The following ADAT3 variants were observed in gnomAD, a reference collection of about 807,000 sequenced individuals.
The protein encoded by ADAT3 is adenosine deaminase tRNA specific 3, also known as tRNA-specific adenosine-34 deaminase regulatory subunit ADAT3.
A neutral mutation model predicts 3.5 loss-of-function variants in ADAT3; 2 were observed. The observed-to-expected ratio is 0.57, with a 90% CI of 0.23 to 1.79. The LOEUF is 1.79. Ranked by LOEUF, ADAT3 falls within the 40% of genes most tolerant of loss-of-function variation. The probability of loss-of-function intolerance (pLI) is 0.18; values close to 1 mark genes in which losing one functional copy is unlikely to be tolerated. For missense variants in ADAT3, 735 were observed against 571.4 expected (o/e 1.29, Z -2.92); for synonymous variants, 358 against 270.3 (o/e 1.32, Z -3.18).
rs749495408 is a variant in ADAT3, at chr19:1,913,148, G to A, written c.1101G>A (p.Thr367=). ...AGTGCCGCTGGCTGGACCCCGACAC[G>A]TAGGCGCCGCCCTCCTGCCTCCGGA... ...EEQCRWLDPD[T] Residue 367 remains threonine, a synonymous_variant, in exon 2 of 2, where the codon ACG becomes ACA. Coordinates refer to ENST00000329478, the MANE Select transcript of ADAT3 (RefSeq NM_138422.4). 24 of 1,543,902 alleles carry A rather than the reference G, an allele frequency of 1.6e-5. No individual in the cohort carries two copies. The highest frequency in any genetic ancestry group is 2.1e-5 in the Non-Finnish European group (24 of 1,148,062).
intron 1 of ADAT3, among the ~76,000 whole-genome samples, chr19:1,909,387 C>T (rs8102298): frequency 0.26 from 39,170 of 152,090 alleles, 5,987 homozygotes; most frequent in African/African-American, 0.39. Flanking sequence ...GGGCGGATCC[C>T]GAGAGCTGGG....
Position 1,913,393 on chromosome 19 carries a change from C to T in ADAT3, c.*242C>T, listed in dbSNP as rs757224201. ...CGCCCTTGCTGCGTTTGTGTCCCCTCTGTCTCGCGGGCCGGGAAACTGCTC... is the reference window on the plus strand; with the variant it reads ...CGCCCTTGCTGCGTTTGTGTCCCCTTTGTCTCGCGGGCCGGGAAACTGCTC... On this transcript the variant is annotated 3_prime_UTR_variant, in exon 2 of 2. Coordinates refer to ENST00000329478, the MANE Select transcript of ADAT3 (RefSeq NM_138422.4). The T allele has an allele frequency of 2.9e-5, 18 of 615,210 alleles. No homozygotes were observed. The highest frequency in any genetic ancestry group is 4.9e-5 in the Non-Finnish European group (17 of 350,390). 38.1% of individuals were successfully genotyped at this position (615,210 alleles called of 1,614,324 possible). A position where few individuals can be genotyped will look rare whatever the true frequency, so the allele number is the denominator to read the frequency against.
In ADAT3 at chr19:1,912,841, G is replaced by C. The variant is rs1312042745; in HGVS notation, c.794G>C (p.Cys265Ser). The change falls in exon 2 of 2, where the codon TGC becomes TCC. Residue 265 changes from cysteine to serine, a missense_variant. Coordinates refer to ENST00000329478, the MANE Select transcript of ADAT3 (RefSeq NM_138422.4). The part of the protein sequence containing the change: ...GTYDFRPFPA[C>S]SFAPAAAPQA... ...TACGACTTCAGACCCTTCCCCGCCT[G>C]CTCCTTCGCCCCGGCCGCTGCCCCC... The C allele has an allele frequency of 3.8e-6, 6 of 1,594,548 alleles. No homozygotes were observed. The highest frequency in any genetic ancestry group is 1.7e-5 in the Admixed American group (1 of 59,290).
chr19:1,912,630 C>T lies in ADAT3; in HGVS notation c.583C>T (p.Arg195Trp), dbSNP rs1317880592. ...ERAAMQSHME[R>W]AVWAARRAAA... ...CGCCGCCATGCAGAGCCACATGGAG[C>T]GGGCGGTGTGGGCGGCCCGGCGGGC... Residue 195 changes from arginine (R) to tryptophan (W), a missense_variant, in exon 2 of 2, where the codon CGG becomes TGG. Arg to Trp is a moderately radical substitution (Grantham distance 101). Transcript: ENST00000329478. 10 of 1,444,688 alleles carry T rather than the reference C, an allele frequency of 6.9e-6. No homozygotes were observed. The highest frequency in any genetic ancestry group is 4.1e-5 in the South Asian group (3 of 73,194). The allele number at this position is 1,444,688 out of a possible 1,614,324, so 89.5% of individuals were successfully genotyped here.
chr19:1,905,633 TGC>T (rs201231677), intron 1 of ADAT3, 194 bp downstream of exon 1: 652 of 159,020 alleles, frequency 4.1e-3, no homozygotes, highest in Non-Finnish European at 4.9e-3. Context: ...CGAATGCGCG[TGC>T]GCGCGCGCGC....
At chr19:1,910,724 G>A (rs1254178395) in intron 1 of ADAT3, among the ~76,000 whole-genome samples, 1 of 150,304 alleles carries the variant, frequency 6.7e-6, no homozygotes, top group Non-Finnish European at 1.5e-5. Context: ...TTACAGGTGC[G>A]TGGCACCATG....
Position 1,912,439 on chromosome 19 carries a change from T to C in ADAT3, c.392T>C (p.Val131Ala). ...SLAELLPRPA[V>A]DPRGLGQPFL... ...GCTGAGCTCCTGCCACGGCCGGCTG[T>C]GGACCCCCGCGGCCTGGGGCAACCC... The change falls in exon 2 of 2, where the codon GTG (valine) becomes GCG (alanine). Residue 131 changes from valine to alanine, a missense_variant. Coordinates refer to ENST00000329478, the MANE Select transcript of ADAT3 (RefSeq NM_138422.4). The C allele has an allele frequency of 1.3e-6, 2 of 1,509,828 alleles. No homozygotes were observed. Among genetic ancestry groups the C allele is most frequent in the Non-Finnish European group, 8.8e-7 (1 of 1,136,272 alleles). 93.5% of individuals were successfully genotyped at this position (1,509,828 alleles called of 1,614,324 possible). A position where few individuals can be genotyped will look rare whatever the true frequency, so the allele number is the denominator to read the frequency against.
intron 1 of ADAT3, chr19:1,906,534 G>C (rs1397905779): frequency 6.6e-6 from 1 of 152,130 alleles, no homozygotes; most frequent in East Asian, 1.9e-4. Context: ...GCGAGACCCT[G>C]TCTCTAAATA....
At position 1,912,845 on chromosome 19, in the gene ADAT3, C is replaced by A. The variant is rs765111016; in HGVS notation, c.798C>A (p.Ser266=). 9.4e-6 allele frequency: 15 copies of A among 1,595,564 alleles called. No homozygotes were observed. The highest frequency in any genetic ancestry group is 2.7e-5 in the African/African-American group (2 of 74,630). The change falls in exon 2 of 2, where the codon TCC becomes TCA. Residue 266 remains serine, a synonymous_variant. Transcript: ENST00000329478. ...TYDFRPFPAC[S]FAPAAAPQAV... ...ACTTCAGACCCTTCCCCGCCTGCTC[C>A]TTCGCCCCGGCCGCTGCCCCCCAGG...
In ADAT3 at chr19:1,908,433, G is replaced by C. The variant is rs1425408017; in HGVS notation, c.-159+2994G>C. The C allele has an allele frequency of 2.1e-6, 1 of 466,984 alleles. No individual in the cohort carries two copies. Among genetic ancestry groups the C allele is most frequent in the Admixed American group, 2.4e-5 (1 of 42,376 alleles). 28.9% of individuals were successfully genotyped at this position (466,984 alleles called of 1,614,324 possible). On this transcript the variant is annotated intron_variant, in intron 1 of 1. Transcript: ENST00000329478. This position sits in a 1 kb window ranked among gnomAD's most constrained non-coding sequence, Gnocchi z 4.2. ...TGGACCAGGCAGTGCATGTCGAGGA[G>C]TAGCACCCACAGCTGCGCGGCTGCG...
chr19:1,912,629 G>T lies in ADAT3; in HGVS notation c.582G>T (p.Glu194Asp), dbSNP rs1401456236. The change falls in exon 2 of 2, where the codon GAG (glutamate) becomes GAT (aspartate). Residue 194 changes from glutamate (E) to aspartate (D), a missense_variant. By Grantham distance (45) the Glu-to-Asp change is conservative. Transcript: ENST00000329478. The part of the protein sequence containing the change: ...QERAAMQSHM[E>D]RAVWAARRAA... ...GCGCCGCCATGCAGAGCCACATGGA[G>T]CGGGCGGTGTGGGCGGCCCGGCGGG... 5.5e-6 allele frequency: 8 copies of T among 1,450,322 alleles called. No individual in the cohort carries two copies. Among genetic ancestry groups the T allele is most frequent in the Admixed American group, 5.6e-5 (2 of 35,744 alleles). The allele number at this position is 1,450,322 out of a possible 1,614,324, so 89.8% of individuals were successfully genotyped here.
chr19:1,912,194 C>T lies in ADAT3; in HGVS notation c.147C>T (p.Ser49=), dbSNP rs138302527. Residue 49 remains serine, a synonymous_variant, in exon 2 of 2, where the codon TCC becomes TCT. Coordinates refer to ENST00000329478, the MANE Select transcript of ADAT3 (RefSeq NM_138422.4). Reference sequence around the variant, plus strand: ...CGTGGCAGGCCCTCCCTGTCCTGTCCGAGAAGCAGTCAGGGGACGTGGAGC... The same window carrying T: ...CGTGGCAGGCCCTCCCTGTCCTGTCTGAGAAGCAGTCAGGGGACGTGGAGC... ...PAPWQALPVL[S]EKQSGDVELV... is the part of the protein sequence containing the mutation. 3.6e-5 allele frequency: 57 copies of T among 1,585,876 alleles called. No individual in the cohort carries two copies. Among genetic ancestry groups the T allele is most frequent in the Non-Finnish European group, 4.5e-5 (53 of 1,169,910 alleles).
chr19:1,909,718 A>G (rs9749188), intron 1 of ADAT3, among the ~76,000 whole-genome samples: 40,781 of 151,768 alleles, frequency 0.27, 6,596 homozygotes, highest in African/African-American at 0.43. Flanking sequence ...GAGCCCCGGG[A>G]GTGATCCCAG....
In ADAT3 at chr19:1,911,948, G is replaced by A. The variant is rs2013472970; in HGVS notation, c.-100G>A. 2.9e-6 allele frequency: 4 copies of A among 1,384,944 alleles called. No individual in the cohort carries two copies. The highest frequency in any genetic ancestry group is 3.7e-6 in the Non-Finnish European group (4 of 1,071,078). The allele number at this position is 1,384,944 out of a possible 1,614,324, so 85.8% of individuals were successfully genotyped here. A position where few individuals can be genotyped will look rare whatever the true frequency, so the allele number is the denominator to read the frequency against. Reference sequence around the variant, plus strand: ...TGCGGTGACCTGGGCCGGAGCCCTCGGACTAGCCTCAGCTTTGGTGGCAGC... The same window carrying A: ...TGCGGTGACCTGGGCCGGAGCCCTCAGACTAGCCTCAGCTTTGGTGGCAGC... On this transcript the variant is annotated 5_prime_UTR_variant, in exon 2 of 2. Coordinates refer to ENST00000329478, the MANE Select transcript of ADAT3 (RefSeq NM_138422.4).
Position 1,911,896 on chromosome 19 carries a change from G to A in ADAT3, c.-152G>A. On this transcript the variant is annotated 5_prime_UTR_variant, in exon 2 of 2. Coordinates refer to ENST00000329478, the MANE Select transcript of ADAT3 (RefSeq NM_138422.4). Reference sequence around the variant, plus strand: ...TAAACTCTGTGCACACCAGGGGTTAGCAGGACATGAGGGAGTGTAGCTCTG... The same window carrying A: ...TAAACTCTGTGCACACCAGGGGTTAACAGGACATGAGGGAGTGTAGCTCTG... 1 of 965,942 alleles carries A rather than the reference G, an allele frequency of 1.0e-6. No homozygotes were observed. The highest frequency in any genetic ancestry group is 1.4e-6 in the Non-Finnish European group (1 of 709,610). 59.8% of individuals were successfully genotyped at this position (965,942 alleles called of 1,614,324 possible). A position where few individuals can be genotyped will look rare whatever the true frequency, so the allele number is the denominator to read the frequency against.
chr19:1,911,395 C>T (rs1599237974), intron 1 of ADAT3, among the ~76,000 whole-genome samples: 1 of 151,564 alleles, frequency 6.6e-6, no homozygotes, highest in African/African-American at 2.4e-5. Flanking sequence ...TGGTCTTAAA[C>T]TCCTGGGCTC....
At position 1,912,004 on chromosome 19, in the gene ADAT3, G is replaced by A. The variant is rs1019821615; in HGVS notation, c.-44G>A. 5.7e-6 allele frequency: 8 copies of A among 1,414,910 alleles called. No individual in the cohort carries two copies. Among genetic ancestry groups the A allele is most frequent in the South Asian group, 3.1e-5 (2 of 65,076 alleles). 87.6% of individuals were successfully genotyped at this position (1,414,910 alleles called of 1,614,324 possible). ...CTGCCTTGTGGAGCCACGGCCTCCC[G>A]GGACGGACTCCCCGGCTCTCCCCCA... On this transcript the variant is annotated 5_prime_UTR_variant, in exon 2 of 2. Transcript: ENST00000329478.
In ADAT3 at chr19:1,908,779, G is replaced by A; in HGVS notation, c.-158-3111G>A. On this transcript the variant is annotated intron_variant, in intron 1 of 1. Coordinates refer to ENST00000329478, the MANE Select transcript of ADAT3 (RefSeq NM_138422.4). This position sits in a 1 kb window ranked among gnomAD's most constrained non-coding sequence, Gnocchi z 4.2. Reference sequence around the variant, plus strand: ...CTCCTGAGTAGCTGGGACTACATGTGCACACCACCGTGCCCAACTAATTTA... The same window carrying A: ...CTCCTGAGTAGCTGGGACTACATGTACACACCACCGTGCCCAACTAATTTA... 8.5e-6 allele frequency: 3 copies of A among 351,912 alleles called. No homozygotes were observed. The highest frequency in any genetic ancestry group is 6.6e-5 in the South Asian group (3 of 45,358). The allele number at this position is 351,912 out of a possible 1,614,324, so 21.8% of individuals were successfully genotyped here. A position where few individuals can be genotyped will look rare whatever the true frequency, so the allele number is the denominator to read the frequency against.
intron 1 of ADAT3, among the ~76,000 whole-genome samples, chr19:1,909,902 T>C (rs911450260): frequency 6.6e-6 from 1 of 152,230 alleles, no homozygotes; most frequent in Admixed American, 6.5e-5. Flanking sequence ...GGGCTTACGT[T>C]TCGTGGCTTG....
Sources: gnomAD v4.1 joint callset for allele counts (sites outside exome capture counted in the v4.1 genomes callset) on GRCh38, gnomAD v4.1.1 for gene constraint, Gnocchi (gnomAD v3.1) non-coding constraint, MANE v1.5 for transcripts, NCBI Gene and HGNC (gene_info 2026-07-23, HGNC 2026-07-21) for gene names.